Variants in ERC1 observed in about 807,000 individuals in gnomAD.
ERC1 encodes the protein ELKS/RAB6-interacting/CAST family member 1.
A neutral mutation model predicts 132.0 loss-of-function variants in ERC1; 56 were observed. The ratio of observed to expected loss-of-function variants is 0.42; its 90% confidence interval spans 0.34 to 0.53. The LOEUF (loss-of-function observed/expected upper bound fraction) is 0.53. ERC1 is among the 20% of genes least tolerant of loss of function. ERC1 has a pLI of 0.03. For synonymous variants in ERC1, 478 were observed against 476.1 expected, an observed-to-expected ratio of 1.00 and a Z score of -0.05; for missense variants, 1,202 against 1,349.9, an observed-to-expected ratio of 0.89 and a Z score of 1.72.
intron 15 of ERC1, among the ~76,000 whole-genome samples, chr12:1,371,333 G>A (rs1263302913): frequency 6.6e-6 from 1 of 152,106 alleles, no homozygotes; most frequent in Admixed American, 6.6e-5. Flanking sequence ...CCTAATATAG[G>A]GGAACTTATT....
At chr12:1,389,715 A>G (rs547555178) in intron 16 of ERC1, among the ~76,000 whole-genome samples, 1 of 152,334 alleles carries the variant, frequency 6.6e-6, no homozygotes, top group Admixed American at 6.5e-5. Flanking sequence ...TGTTCCTGGA[A>G]ATGAGGATAA....
intron 11 of ERC1, 64 bp downstream of exon 11, chr12:1,183,485 G>A (rs992565954): frequency 7.9e-6 from 9 of 1,141,456 alleles, no homozygotes; most frequent in African/African-American, 3.1e-5. Flanking sequence ...GATAACCTTA[G>A]CATGTTTATA....
chr12:1,186,308 T>A (rs184869812), intron 11 of ERC1, among the ~76,000 whole-genome samples: 31 of 152,356 alleles, frequency 2.0e-4, no homozygotes, highest in East Asian at 7.7e-4. Context: ...TCTATGGGAA[T>A]ATGATTATCT....
intron 12 of ERC1, among the ~76,000 whole-genome samples, chr12:1,196,435 C>G (rs894350233): frequency 6.6e-6 from 1 of 151,110 alleles, no homozygotes; most frequent in Non-Finnish European, 1.5e-5. Flanking sequence ...ATTTTAGCTG[C>G]CCTGTCTACA....
rs1326722348 is a variant in ERC1, at chr12:1,418,641, TTC to T, written c.3024+10414_3024+10415del. On this transcript the variant is annotated intron_variant, in intron 17 of 18. Transcript: ENST00000360905. Reference sequence around the variant, plus strand: ...TTTCTTTCTTTCTTTCTTTCTTTCTTTCTCTCTCTCTCTCTCTCTCTTTCTTT... The same window carrying T: ...TTTCTTTCTTTCTTTCTTTCTTTCTTTCTCTCTCTCTCTCTCTCTTTCTTT... 4.2e-3 allele frequency among the ~76,000 whole-genome samples: 331 copies of T among 78,856 alleles called. 3 individuals carry two copies. The highest frequency in any genetic ancestry group is 6.6e-3 in the South Asian group (14 of 2,120). 51.7% of individuals were successfully genotyped at this position (78,856 alleles called of 152,430 possible). A position where few individuals can be genotyped will look rare whatever the true frequency, so the allele number is the denominator to read the frequency against.
rs1160982495 is a variant in ERC1, at chr12:1,028,044, A to G, written c.141A>G (p.Gly47=). 6.2e-7 allele frequency: 1 copy of G among 1,614,148 alleles called. No homozygotes were observed. Among genetic ancestry groups the G allele is most frequent in the East Asian group, 2.2e-5 (1 of 44,890 alleles). The part of the protein sequence containing the change: ...STGGSSGSSV[G]GGSGKTLSME... ...GAGGGAGTTCGGGAAGCAGTGTTGG[A>G]GGTGGCAGTGGGAAAACCCTTTCAA... The change falls in exon 2 of 19, where the codon GGA becomes GGG. Residue 47 remains glycine (G), a synonymous_variant. Transcript: ENST00000360905.
chr12:1,188,954 T>G (rs2906106), intron 11 of ERC1, among the ~76,000 whole-genome samples: 67,980 of 152,108 alleles, frequency 0.45, 16,988 homozygotes, highest in African/African-American at 0.67. Flanking sequence ...AAATTAGTTT[T>G]TAATTATTGA....
At chr12:1,035,978 C>A (rs895979606) in intron 2 of ERC1, among the ~76,000 whole-genome samples, 32 of 151,842 alleles carry the variant, frequency 2.1e-4, no homozygotes, top group African/African-American at 7.5e-4. Flanking sequence ...AGCATTTAAC[C>A]AGATTATCAT....
In ERC1 at chr12:1,083,570, T is replaced by C. The variant is rs1255220389; in HGVS notation, c.1076T>C (p.Met359Thr). 1 of 1,592,084 alleles carries C rather than the reference T, an allele frequency of 6.3e-7. No individual in the cohort carries two copies. Among genetic ancestry groups the C allele is most frequent in the Non-Finnish European group, 8.5e-7 (1 of 1,173,574 alleles). Residue 359 changes from methionine (M) to threonine (T), a missense_variant, in exon 3 of 19, where the codon ATG becomes ACG. Coordinates refer to ENST00000360905, the MANE Select transcript of ERC1 (RefSeq NM_178040.4). ...LLEQKEKENS[M>T]LREEMHRRFE... ...GAGCAGAAGGAAAAAGAGAACAGTA[T>C]GTTGAGAGAGGTATGTGACTACTTT... is the stretch of plus-strand genomic sequence containing the variant.
At chr12:1,286,198 G>GC (rs1262020881) in intron 14 of ERC1, among the ~76,000 whole-genome samples, 4 of 150,680 alleles carry the variant, frequency 2.7e-5, no homozygotes, top group African/African-American at 9.8e-5. Flanking sequence ...GGAAGCTGAG[G>GC]CAGGAGAATT....
intron 14 of ERC1, among the ~76,000 whole-genome samples, chr12:1,286,333 A>G (rs1304193487): frequency 1.3e-5 from 2 of 151,566 alleles, no homozygotes; most frequent in African/African-American, 4.8e-5. Flanking sequence ...ACTATAATCC[A>G]TCACAGTAAA....
chr12:1,126,986 C>CAGAAAAAAAAAAA (rs1948242422), intron 7 of ERC1, among the ~76,000 whole-genome samples: 1 of 114,192 alleles, frequency 8.8e-6, no homozygotes, highest in African/African-American at 4.3e-5. Context: ...GATTCTGTCT[C>CAGAAAAAAAAAAA]AAAAAAAAAA....
At chr12:1,479,645 C>G (rs2094045645) in intron 18 of ERC1, among the ~76,000 whole-genome samples, 1 of 152,160 alleles carries the variant, frequency 6.6e-6, no homozygotes. Context: ...TTCCAAAAGT[C>G]TTTTCAGGAC....
At chr12:1,041,710 A>G (rs563407961) in intron 2 of ERC1, among the ~76,000 whole-genome samples, 2 of 152,356 alleles carry the variant, frequency 1.3e-5, no homozygotes, top group East Asian at 1.9e-4. Flanking sequence ...TTCTTGGTCA[A>G]GGGTTAGGAA....
At chr12:1,199,719 A>G (rs186647190) in intron 12 of ERC1, among the ~76,000 whole-genome samples, 369 of 152,180 alleles carry the variant, frequency 2.4e-3, no homozygotes, top group African/African-American at 7.8e-3. Flanking sequence ...CAGAGGTTGC[A>G]GTGAGCTGAT....
At chr12:1,177,804 T>C (rs1953913975) in intron 8 of ERC1, among the ~76,000 whole-genome samples, 1 of 152,202 alleles carries the variant, frequency 6.6e-6, no homozygotes, top group Non-Finnish European at 1.5e-5. Context: ...CCCACAAACC[T>C]TCAGTTAGTA....
intron 3 of ERC1, among the ~76,000 whole-genome samples, chr12:1,095,328 G>T (rs756931488): frequency 6.7e-6 from 1 of 150,028 alleles, no homozygotes; most frequent in Admixed American, 6.7e-5. Context: ...TATTTGGGAG[G>T]CTGAGGCAGG....
At chr12:1,289,042 A>C (rs1594789756) in intron 14 of ERC1, among the ~76,000 whole-genome samples, 1 of 88,520 alleles carries the variant, frequency 1.1e-5, no homozygotes, top group Non-Finnish European at 2.3e-5. Flanking sequence ...TTTTTTCCCC[A>C]TGTCATTTTT....
At chr12:1,438,863 G>A (rs1282048011) in intron 17 of ERC1, among the ~76,000 whole-genome samples, 1 of 151,914 alleles carries the variant, frequency 6.6e-6, no homozygotes, top group Non-Finnish European at 1.5e-5. Context: ...GAATCGCTGA[G>A]CCCAGGTGGC....
Sources: gnomAD v4.1 joint callset for allele counts (sites outside exome capture counted in the v4.1 genomes callset) on GRCh38, gnomAD v4.1.1 for gene constraint, MANE v1.5 for transcripts, NCBI Gene and HGNC (gene_info 2026-07-23, HGNC 2026-07-21) for gene names.